ATAT1: variants seen among roughly 807,000 people sequenced by gnomAD.
The protein encoded by ATAT1 is alpha tubulin acetyltransferase 1.
A neutral mutation model predicts 57.2 loss-of-function variants in ATAT1; 42 were observed. The observed-to-expected ratio is 0.73, with a 90% CI of 0.57 to 0.95. The LOEUF (loss-of-function observed/expected upper bound fraction) is 0.95. Among genes scored for constraint, ATAT1 ranks in the 40% least tolerant of loss-of-function variants. ATAT1 has a pLI of 0.00. For synonymous variants in ATAT1, 168 were observed against 187.1 expected (o/e 0.90, Z 0.83); for missense variants, 454 against 523.7 (o/e 0.87, Z 1.30).
At chr6:30,639,820 G>A (rs1765024719) in intron 6 of ATAT1, among the ~76,000 whole-genome samples, 1 of 152,044 alleles carries the variant, frequency 6.6e-6, no homozygotes, top group South Asian at 2.1e-4. Context: ...AGATACATCA[G>A]CTGAACCATT....
intron 8 of ATAT1, chr6:30,641,922 A>C (rs1056378402): frequency 1.5e-6 from 2 of 1,313,110 alleles, no homozygotes; most frequent in African/African-American, 1.5e-5. Context: ...CCAGGCCCCC[A>C]GAGTCTCCCC....
intron 6 of ATAT1, among the ~76,000 whole-genome samples, chr6:30,633,247 T>C (rs1427318273): frequency 6.6e-6 from 1 of 152,208 alleles, no homozygotes; most frequent in Admixed American, 6.5e-5. Flanking sequence ...AGTACATTTT[T>C]AATATGTTAA....
chr6:30,642,833 G>GGGGGGGGCGCCCCCCCCC lies in ATAT1; in HGVS notation c.754_755insGGGGGGGCGCCCCCCCCC (p.Ala252delinsGlyGlyGlyAlaProProPro). On this transcript the variant is annotated protein_altering_variant, in exon 10 of 13. Transcript: ENST00000330083. ...GGCCCCTCGCCGCGCCACACCTCCAGCCCACCCACCCCCCCGCTCCAGCAG... is the reference window on the plus strand; with the variant it reads ...GGCCCCTCGCCGCGCCACACCTCCAGGGGGGGGCGCCCCCCCCCCCCACCCACCCCCCCGCTCCAGCAG... The GGGGGGGGCGCCCCCCCCC allele has an allele frequency of 1.3e-6, 2 of 1,537,876 alleles. No homozygotes were observed. Among genetic ancestry groups the GGGGGGGGCGCCCCCCCCC allele is most frequent in the Non-Finnish European group, 1.7e-6 (2 of 1,145,782 alleles).
intron 6 of ATAT1, among the ~76,000 whole-genome samples, chr6:30,632,940 C>CAAA (rs9257002): frequency 6.3e-5 from 8 of 127,270 alleles, no homozygotes; most frequent in South Asian, 2.4e-4. Flanking sequence ...GACCCCATAT[C>CAAA]AAAAAAAAAA....
At position 30,626,960 on chromosome 6, in the gene ATAT1, A is replaced by C; in HGVS notation, c.-244A>C. The stretch of plus-strand genomic sequence containing the variant: ...TGCTGGACCAGCACCTGAGGCCCCC[A>C]GCCCGCCGACCCGGAACCACAACGC... On this transcript the variant is annotated 5_prime_UTR_variant, in exon 1 of 13. Transcript: ENST00000330083. The C allele has an allele frequency of 6.2e-7, 1 of 1,605,964 alleles. No individual in the cohort carries two copies. The highest frequency in any genetic ancestry group is 8.5e-7 in the Non-Finnish European group (1 of 1,176,744).
chr6:30,627,346 G>A, intron 1 of ATAT1, 114 bp from the exon 2 acceptor site: 1 of 1,609,836 alleles, frequency 6.2e-7, no homozygotes, highest in East Asian at 2.2e-5. Context: ...GCAAAGGCAG[G>A]GAGCCTTCAG....
At chr6:30,637,514 C>T (rs1017636810) in intron 6 of ATAT1, among the ~76,000 whole-genome samples, 1 of 151,972 alleles carries the variant, frequency 6.6e-6, no homozygotes, top group Non-Finnish European at 1.5e-5. Context: ...GAAACCCCAT[C>T]TCTATTAAAA....
intron 9 of ATAT1, 41 bp from the exon 10 acceptor site, chr6:30,642,727 T>G: frequency 7.8e-7 from 1 of 1,284,250 alleles, no homozygotes; most frequent in East Asian, 2.5e-5. Context: ...CTTCCTTTTT[T>G]CTTCTTTTTC....
At chr6:30,627,399 G>T in intron 1 of ATAT1, 61 bp from the exon 2 acceptor site, 1 of 1,597,850 alleles carries the variant, frequency 6.3e-7, no homozygotes, top group South Asian at 1.1e-5. Flanking sequence ...TCCCAGGACT[G>T]ACTGCCTAGG....
chr6:30,627,029 C>G lies in ATAT1; in HGVS notation c.-175C>G. ...AACCCACCCTCTGGCCCTTTTCTCC[C>G]GGTTCCTCTCCAAACCTGGTCCAGG... is the stretch of plus-strand genomic sequence containing the variant. On this transcript the variant is annotated 5_prime_UTR_variant, in exon 1 of 13. Transcript: ENST00000330083. The G allele has an allele frequency of 6.4e-7, 1 of 1,556,710 alleles. No individual in the cohort carries two copies. The highest frequency in any genetic ancestry group is 8.7e-7 in the Non-Finnish European group (1 of 1,148,212).
At chr6:30,642,124 T>TG in intron 8 of ATAT1, 52 bp from the exon 9 acceptor site, 1 of 1,588,962 alleles carries the variant, frequency 6.3e-7, no homozygotes, top group Non-Finnish European at 8.5e-7. Context: ...GGAGGAGGGG[T>TG]GCAAAGTATG....
intron 8 of ATAT1, chr6:30,641,842 C>T (rs2127544577): frequency 1.8e-6 from 2 of 1,119,484 alleles, no homozygotes; most frequent in Middle Eastern, 3.9e-4. Flanking sequence ...CCCCAGAATA[C>T]CAGGGGGCCA....
intron 6 of ATAT1, among the ~76,000 whole-genome samples, chr6:30,637,214 C>T (rs1360070124): frequency 6.6e-6 from 1 of 152,124 alleles, no homozygotes; most frequent in East Asian, 1.9e-4. Flanking sequence ...TATCTATATG[C>T]ATCATCTCAG....
In ATAT1 at chr6:30,645,944, G is replaced by A; in HGVS notation, c.982G>A (p.Gly328Arg). The A allele has an allele frequency of 1.3e-6, 2 of 1,531,682 alleles. No individual in the cohort carries two copies. The highest frequency in any genetic ancestry group is 8.8e-7 in the Non-Finnish European group (1 of 1,137,900). The allele number at this position is 1,531,682 out of a possible 1,614,324, so 94.9% of individuals were successfully genotyped here. ...CCAAAGCTGCTGCTACAGCCGCCAT[G>A]GGGGGGTGAATTCCTCATCCCCCAA... Residue 328 changes from glycine (G) to arginine (R), a missense_variant, in exon 11 of 13, where the codon GGG becomes AGG. Gly to Arg is a moderately radical substitution (Grantham distance 125). Coordinates refer to ENST00000330083, the MANE Select transcript of ATAT1 (RefSeq NM_001031722.4).
intron 10 of ATAT1, chr6:30,643,302 T>C (rs942473276): frequency 7.0e-6 from 10 of 1,422,310 alleles, no homozygotes; most frequent in Non-Finnish European, 9.2e-6. Context: ...CAGAGCCTTC[T>C]AAGATTGGGA....
In ATAT1 at chr6:30,645,110, T is replaced by C. The variant is rs114424368; in HGVS notation, c.933-785T>C. On this transcript the variant is annotated intron_variant, in intron 10 of 12. Coordinates refer to ENST00000330083, the MANE Select transcript of ATAT1 (RefSeq NM_001031722.4). ...CTCTCAAGACAAACCCTTACCTCCATTGAGAGTGCAACACAGTCTGTCACC... is the reference window on the plus strand; with the variant it reads ...CTCTCAAGACAAACCCTTACCTCCACTGAGAGTGCAACACAGTCTGTCACC... Among the ~76,000 whole-genome samples, 719 of 152,278 alleles carry C rather than the reference T, an allele frequency of 4.7e-3. 9 individuals are homozygous for C. Among genetic ancestry groups the C allele is most frequent in the African/African-American group, 0.015 (622 of 41,558 alleles).
Position 30,644,132 on chromosome 6 carries a change from AC to A in ATAT1, c.932+1123del. The A allele has an allele frequency of 3.0e-6, 3 of 986,012 alleles. No homozygotes were observed. The South Asian group carries it at 1.4e-4, about 46-fold the overall frequency. 61.1% of individuals were successfully genotyped at this position (986,012 alleles called of 1,614,324 possible). On this transcript the variant is annotated intron_variant, in intron 10 of 12. Transcript: ENST00000330083. ...ACCAGCTTCCCAAAGGGATCTACTC[AC>A]CATTGCCAAACTCTTCATTTCCACA...
At chr6:30,636,549 G>A (rs1764124840) in intron 6 of ATAT1, among the ~76,000 whole-genome samples, 1 of 151,928 alleles carries the variant, frequency 6.6e-6, no homozygotes, top group African/African-American at 2.4e-5. Flanking sequence ...TCATGCCACT[G>A]CACTCCAGCC....
intron 5 of ATAT1, 43 bp downstream of exon 5, chr6:30,628,188 C>G: frequency 6.4e-7 from 1 of 1,574,654 alleles, no homozygotes; most frequent in Non-Finnish European, 8.7e-7. Context: ...CTAGGGGCTC[C>G]TTTGCCCTGA....
Sources: allele counts gnomAD v4.1 joint callset (sites outside exome capture counted in the v4.1 genomes callset), GRCh38; gene constraint gnomAD v4.1.1; transcripts MANE v1.5; gene names NCBI Gene and HGNC (gene_info 2026-07-23, HGNC 2026-07-21).